Variants in PIEZO1 observed in about 807,000 individuals in gnomAD.
PIEZO1 encodes the protein piezo type mechanosensitive ion channel component 1 (Er blood group), also known as piezo-type mechanosensitive ion channel component 1.
PIEZO1 carries 296 observed loss-of-function variants against 297.2 expected under a neutral mutation model. That is an observed-to-expected ratio of 1.00 (90% confidence interval 0.91 to 1.10). The LOEUF (loss-of-function observed/expected upper bound fraction) is 1.10. PIEZO1 is among the 50% of genes least tolerant of loss of function. The pLI, the probability that PIEZO1 is intolerant of heterozygous loss-of-function variation, is 0.00. For synonymous variants in PIEZO1, 2,427 were observed against 1,507.5 expected (o/e 1.61, Z -14.13); for missense variants, 5,018 against 3,455.5 (o/e 1.45, Z -11.34).
Position 88,734,379 on chromosome 16 carries a change from C to A in PIEZO1, c.2157G>T (p.Thr719=). Reference sequence around the variant, plus strand: ...ACCTGTGAGCCCAGCGCGGGAGGCGCGTGCCAGGCAGGGACACGTGCTCCA... The same window carrying A: ...ACCTGTGAGCCCAGCGCGGGAGGCGAGTGCCAGGCAGGGACACGTGCTCCA... ...TDMEHVSLPG[T]RLPRWAHRQD... Residue 719 remains threonine (T), a synonymous_variant, in exon 16 of 51, where the codon ACG becomes ACT. Transcript: ENST00000301015. 1.9e-6 allele frequency: 3 copies of A among 1,543,588 alleles called. No individual in the cohort carries two copies. The highest frequency in any genetic ancestry group is 2.0e-5 in the Admixed American group (1 of 50,516).
intron 2 of PIEZO1, among the ~76,000 whole-genome samples, chr16:88,749,033 C>A (rs574991755): frequency 5.3e-5 from 8 of 150,164 alleles, no homozygotes; most frequent in African/African-American, 1.5e-4. Context: ...GTCAGGAGAT[C>A]GAGACCATCC....
In PIEZO1 at chr16:88,725,599, T is replaced by C. The variant is rs1453862129; in HGVS notation, c.4054A>G (p.Arg1352Gly). Residue 1352 changes from arginine to glycine, a missense_variant, in exon 28 of 51, where the codon AGA becomes GGA. Transcript: ENST00000301015. The part of the protein sequence containing the change: ...IEEKSLAQLK[R>G]QMERIRAKQE... ...CCCCGCCCCAGAGGCACCTACTGTC[T>C]TTTCAGCTGGGCCAGGGACTTCTCC... 3 of 1,547,810 alleles carry C rather than the reference T, an allele frequency of 1.9e-6. No individual in the cohort carries two copies. The highest frequency in any genetic ancestry group is 2.6e-6 in the Non-Finnish European group (3 of 1,144,484).
At chr16:88,737,698 G>A (rs369884407) in intron 9 of PIEZO1, 30 bp downstream of exon 9, 84 of 1,533,198 alleles carry the variant, frequency 5.5e-5, no homozygotes, top group South Asian at 7.1e-5. Context: ...CGCCCCCCAC[G>A]CTGGCGTCTC....
rs1911997031 is a variant in PIEZO1 at position 88,716,041 on chromosome 16, C to T, written c.7208G>A (p.Trp2403Ter). The T allele has an allele frequency of 1.3e-6, 2 of 1,550,136 alleles. No homozygotes were observed. The highest frequency in any genetic ancestry group is 2.4e-5 in the South Asian group (2 of 84,068). ...QGAGATGFLE[W>*]WVIELQECRT... ...GCACTCCTGCAGCTCGATGACCCAC[C>T]ATTCGAGGAAGCCGGTGGCCCCCGC... The change falls in exon 50 of 51, where the codon TGG (tryptophan) becomes TAG (stop). Residue 2403 changes from tryptophan (W) to a stop codon, truncating the protein, a stop_gained. Coordinates refer to ENST00000301015, the MANE Select transcript of PIEZO1 (RefSeq NM_001142864.4). LOFTEE classifies it high-confidence loss of function.
Position 88,727,539 on chromosome 16 carries a change from G to A in PIEZO1, c.3301+18C>T, listed in dbSNP as rs896427011. ...CTGAGGGTCCTCTGCAGAGGCGGGG[G>A]TGGTGGGGGGCACTCACTGATGAGG... is the stretch of plus-strand genomic sequence containing the variant. On this transcript the variant is annotated intron_variant, in intron 23 of 50. Transcript: ENST00000301015. 2.9e-6 allele frequency: 3 copies of A among 1,028,842 alleles called. No homozygotes were observed. Among genetic ancestry groups the A allele is most frequent in the South Asian group, 1.5e-5 (1 of 67,166 alleles). 63.7% of individuals were successfully genotyped at this position (1,028,842 alleles called of 1,614,324 possible).
rs1237302290 is a variant in PIEZO1 at position 88,742,775 on chromosome 16, C to A, written c.161-353G>T. On this transcript the variant is annotated intron_variant, in intron 2 of 50. Coordinates refer to ENST00000301015, the MANE Select transcript of PIEZO1 (RefSeq NM_001142864.4). Reference sequence around the variant, plus strand: ...GTTGTGGAAGCAGAGGAAATAGACACAAGGAGAGGCAAGAAGCTCCACCTC... The same window carrying A: ...GTTGTGGAAGCAGAGGAAATAGACAAAAGGAGAGGCAAGAAGCTCCACCTC... The A allele has an allele frequency of 1.2e-5, 4 of 345,464 alleles. No individual in the cohort carries two copies. In the East Asian group the frequency reaches 3.1e-4, roughly 27 times the overall value. 21.4% of individuals were successfully genotyped at this position (345,464 alleles called of 1,614,324 possible). A position where few individuals can be genotyped will look rare whatever the true frequency, so the allele number is the denominator to read the frequency against.
At chr16:88,743,876 G>A in intron 2 of PIEZO1, 1 of 321,764 alleles carries the variant, frequency 3.1e-6, no homozygotes, top group Non-Finnish European at 6.2e-6. Context: ...GAGGATGGGA[G>A]GGGTGAGCAG....
chr16:88,766,293 G>A (rs529871924), intron 1 of PIEZO1, among the ~76,000 whole-genome samples: 66 of 152,214 alleles, frequency 4.3e-4, no homozygotes, highest in Non-Finnish European at 7.1e-4. Flanking sequence ...TCCCAGGACC[G>A]CCACAGAGAA....
intron 1 of PIEZO1, among the ~76,000 whole-genome samples, chr16:88,761,928 C>A (rs947054476): frequency 2.6e-5 from 4 of 152,206 alleles, no homozygotes; most frequent in Non-Finnish European, 5.9e-5. Context: ...GTGAGGCCTG[C>A]GTTCCACACA....
rs1321306911 is a variant in PIEZO1 at position 88,721,663 on chromosome 16, G to A, written c.5278C>T (p.Leu1760=). Residue 1760 remains leucine, a synonymous_variant, in exon 38 of 51, where the codon CTG becomes TTG. Coordinates refer to ENST00000301015, the MANE Select transcript of PIEZO1 (RefSeq NM_001142864.4). ...TAGGGCTTGTTCTCGTAGCGCCGCA[G>A]CACCACGTGGCTGTTCCAGGGGAAG... The part of the protein sequence containing the change: ...GFFPWNSHVV[L]RRYENKPYFP... 6.5e-7 allele frequency: 1 copy of A among 1,549,980 alleles called. No homozygotes were observed. Among genetic ancestry groups the A allele is most frequent in the Admixed American group, 2.0e-5 (1 of 50,998 alleles).
intron 22 of PIEZO1, 78 bp from the exon 23 acceptor site, chr16:88,727,739 G>T: frequency 1.5e-6 from 1 of 649,668 alleles, no homozygotes; most frequent in South Asian, 2.7e-5. Flanking sequence ...CCGTTGACCC[G>T]AGTCTATCAC....
chr16:88,749,724 T>C (rs1046466991), intron 1 of PIEZO1, among the ~76,000 whole-genome samples: 5 of 152,170 alleles, frequency 3.3e-5, no homozygotes, highest in African/African-American at 1.2e-4. Context: ...TTGCTTTTTT[T>C]CCTTTAAAAA....
At chr16:88,753,787 G>A (rs532239922) in intron 1 of PIEZO1, among the ~76,000 whole-genome samples, 9 of 152,364 alleles carry the variant, frequency 5.9e-5, no homozygotes, top group Non-Finnish European at 7.3e-5. Context: ...GCCAGAGGGG[G>A]AGACTTCAGA....
At position 88,738,356 on chromosome 16, in the gene PIEZO1, A is replaced by T. The variant is rs1905398126; in HGVS notation, c.719T>A (p.Ile240Asn). The change falls in exon 7 of 51, where the codon ATC (isoleucine) becomes AAC (asparagine). Residue 240 changes from isoleucine (I) to asparagine (N), a missense_variant. By Grantham distance (149) the Ile-to-Asn change is moderately radical (BLOSUM62 -3). Coordinates refer to ENST00000301015, the MANE Select transcript of PIEZO1 (RefSeq NM_001142864.4). ...GAGTCTGCTGAAGCCCCGAGTGCTG[A>T]TGGGAAAGTGGCAGGCCCACCAGGT... ...LCTWWACHFP[I>N]STRGFSRLCV... 2.0e-6 allele frequency: 3 copies of T among 1,535,754 alleles called. No individual in the cohort carries two copies. Among genetic ancestry groups the T allele is most frequent in the African/African-American group, 1.4e-5 (1 of 73,044 alleles).
chr16:88,782,892 C>G (rs1172708757), intron 1 of PIEZO1, among the ~76,000 whole-genome samples: 12 of 152,230 alleles, frequency 7.9e-5, no homozygotes, highest in Admixed American at 7.9e-4. Context: ...CCATCTCCCC[C>G]AGGTGACTGA....
chr16:88,784,215 C>T (rs1045831776), intron 1 of PIEZO1, among the ~76,000 whole-genome samples: 10 of 152,230 alleles, frequency 6.6e-5, no homozygotes, highest in African/African-American at 2.4e-4. Context: ...GCCACAGCCT[C>T]CGGGGGTGTC....
intron 1 of PIEZO1, among the ~76,000 whole-genome samples, chr16:88,750,028 G>A (rs971191497): frequency 4.8e-5 from 7 of 145,002 alleles, no homozygotes; most frequent in African/African-American, 1.6e-4. Context: ...GCCTCAAAAA[G>A]AGAAAGAAAG....
At chr16:88,764,658 G>C (rs1398416892) in intron 1 of PIEZO1, among the ~76,000 whole-genome samples, 1 of 151,690 alleles carries the variant, frequency 6.6e-6, no homozygotes, top group African/African-American at 2.4e-5. Flanking sequence ...GGCTGAGGCA[G>C]GAGAATCGCT....
intron 1 of PIEZO1, among the ~76,000 whole-genome samples, chr16:88,770,087 C>T (rs1907353475): frequency 6.6e-6 from 1 of 152,196 alleles, no homozygotes; most frequent in Non-Finnish European, 1.5e-5. Flanking sequence ...TGATGCCTCC[C>T]AGGGTGTTCT....
Sources: allele counts gnomAD v4.1 joint callset (sites outside exome capture counted in the v4.1 genomes callset), GRCh38; gene constraint gnomAD v4.1.1; transcripts MANE v1.5; gene names NCBI Gene and HGNC (gene_info 2026-07-23, HGNC 2026-07-21).